Variants in FBXL13 observed in about 807,000 individuals in gnomAD.
FBXL13 encodes F-box and leucine-rich repeat protein 13.
In FBXL13, 67 loss-of-function variants were observed where a neutral mutation model predicts 83.6. The observed-to-expected ratio is 0.80, with a 90% CI of 0.66 to 0.98. The LOEUF (loss-of-function observed/expected upper bound fraction) is 0.98, where lower values mean the gene tolerates loss of function less well. FBXL13 is among the 50% of genes least tolerant of loss of function. The probability of loss-of-function intolerance (pLI) is 0.00; values close to 1 mark genes in which losing one functional copy is unlikely to be tolerated. For synonymous variants in FBXL13, 272 were observed against 299.5 expected (o/e 0.91, Z 0.95); for missense variants, 822 against 866.5 (o/e 0.95, Z 0.64).
At position 103,041,233 on chromosome 7, in the gene FBXL13, G is replaced by T. The variant is rs544970199; in HGVS notation, c.1-11815C>A. On this transcript the variant is annotated intron_variant, in intron 2 of 19. Transcript: ENST00000313221. ...ATAAACTAGAAAATCTAGAAGAAAT[G>T]GACAAATTCCTGGACACATACACCC... 9.6e-4 allele frequency among the ~76,000 whole-genome samples: 146 copies of T among 152,246 alleles called. 2 individuals are homozygous for T. Among genetic ancestry groups the T allele is most frequent in the African/African-American group, 3.3e-3 (137 of 41,554 alleles).
intron 5 of FBXL13, among the ~76,000 whole-genome samples, chr7:103,027,084 A>G (rs931596789): frequency 6.6e-6 from 1 of 152,178 alleles, no homozygotes; most frequent in African/African-American, 2.4e-5. Flanking sequence ...ACCTGAGGTC[A>G]CGAGTTCAAG....
At chr7:102,990,379 T>C (rs1829437787) in intron 6 of FBXL13, among the ~76,000 whole-genome samples, 1 of 152,138 alleles carries the variant, frequency 6.6e-6, no homozygotes, top group African/African-American at 2.4e-5. Context: ...CAAGAAGGGA[T>C]CATAGGCAAT....
intron 17 of FBXL13, among the ~76,000 whole-genome samples, chr7:102,844,163 A>T (rs1803520671): frequency 3.3e-5 from 5 of 152,260 alleles, no homozygotes; most frequent in Admixed American, 2.6e-4. Context: ...TTTAAAAAGC[A>T]GATGAACTGT....
At chr7:102,943,270 T>C (rs1476849497) in intron 8 of FBXL13, among the ~76,000 whole-genome samples, 3 of 152,078 alleles carry the variant, frequency 2.0e-5, no homozygotes, top group African/African-American at 7.2e-5. Flanking sequence ...GCACTTGTCT[T>C]ACATGCGAAA....
At chr7:102,812,849 T>A (rs1797513934), downstream of FBXL13, among the ~76,000 whole-genome samples, 1 of 148,970 alleles carries the variant, frequency 6.7e-6, no homozygotes, top group Non-Finnish European at 1.5e-5. Context: ...TCTTTTTTTT[T>A]TTTTTTTTTT....
chr7:102,812,070 G>A (rs1405967651), downstream of FBXL13, among the ~76,000 whole-genome samples: 1 of 152,176 alleles, frequency 6.6e-6, no homozygotes, highest in Non-Finnish European at 1.5e-5. Context: ...AACTCCACGT[G>A]AGAGATAAGT....
chr7:103,025,256 C>A, intron 5 of FBXL13, 26 bp from the exon 7 acceptor site: 1 of 1,480,342 alleles, frequency 6.8e-7, no homozygotes, highest in South Asian at 1.2e-5. Context: ...TTTTAAAATT[C>A]CATGGAATTG....
chr7:102,942,343 G>GT (rs1218924293), intron 8 of FBXL13: 2 of 1,581,770 alleles, frequency 1.3e-6, no homozygotes, highest in Admixed American at 1.8e-5. Context: ...TTTTGCTGTG[G>GT]TAAGTATACA....
intron 9 of FBXL13, among the ~76,000 whole-genome samples, chr7:102,929,195 A>G (rs1414985877): frequency 6.6e-6 from 1 of 152,214 alleles, no homozygotes. Context: ...CATGTTTTGA[A>G]AAGATGTTTT....
intron 6 of FBXL13, among the ~76,000 whole-genome samples, chr7:103,012,639 A>G (rs1345326717): frequency 6.6e-6 from 1 of 152,242 alleles, no homozygotes; most frequent in African/African-American, 2.4e-5. Context: ...CATGCCTTAC[A>G]AGAGGTCCTG....
At chr7:102,874,212 G>T in intron 16 of FBXL13, 1 of 282,474 alleles carries the variant, frequency 3.5e-6, no homozygotes, top group Non-Finnish European at 5.3e-6. Context: ...AATCCTGAAT[G>T]TTACGTCTGT....
chr7:102,858,174 T>C (rs1806301782), intron 16 of FBXL13, among the ~76,000 whole-genome samples: 1 of 152,158 alleles, frequency 6.6e-6, no homozygotes, highest in African/African-American at 2.4e-5. Flanking sequence ...CTGGAGGACA[T>C]GATGTTAAGC....
intron 3 of FBXL13, 55 bp downstream of exon 4, chr7:103,029,296 G>T: frequency 9.0e-7 from 1 of 1,107,960 alleles, no homozygotes; most frequent in Non-Finnish European, 1.3e-6. Context: ...TTTGCACGGA[G>T]AATATCAAGA....
intron 7 of FBXL13, among the ~76,000 whole-genome samples, chr7:102,967,261 CCT>C: frequency 1.3e-5 from 1 of 75,728 alleles, no homozygotes; most frequent in East Asian, 2.5e-4. Context: ...CCCAGCCAAT[CCT>C]CTCTTTCTTT....
chr7:102,949,700 A>C (rs1490423651), intron 8 of FBXL13, among the ~76,000 whole-genome samples: 2 of 152,250 alleles, frequency 1.3e-5, no homozygotes, highest in East Asian at 3.8e-4. Flanking sequence ...ATACTGCGTG[A>C]AATATATTTT....
chr7:102,921,484 A>G (rs1473208604), intron 10 of FBXL13, among the ~76,000 whole-genome samples: 1 of 151,986 alleles, frequency 6.6e-6, no homozygotes, highest in African/African-American at 2.4e-5. Flanking sequence ...GTTTGAGACC[A>G]GCCTGGCCAA....
At chr7:102,921,413 C>T (rs1185021706) in intron 10 of FBXL13, among the ~76,000 whole-genome samples, 1 of 152,140 alleles carries the variant, frequency 6.6e-6, no homozygotes, top group East Asian at 1.9e-4. Context: ...GGCACAGTGG[C>T]TCATGCCTGT....
At chr7:102,873,472 G>C (rs535528587) in intron 16 of FBXL13, among the ~76,000 whole-genome samples, 3 of 152,230 alleles carry the variant, frequency 2.0e-5, no homozygotes, top group South Asian at 2.1e-4. Flanking sequence ...TGCTGACTTT[G>C]CTACATGCTT....
At chr7:102,893,956 A>G (rs1192380150) in intron 11 of FBXL13, among the ~76,000 whole-genome samples, 2 of 94,100 alleles carry the variant, frequency 2.1e-5, no homozygotes, top group African/African-American at 1.1e-4. Flanking sequence ...GAAAGAAAGA[A>G]AGAAAGAGAG....
Sources: allele counts gnomAD v4.1 joint callset (sites outside exome capture counted in the v4.1 genomes callset), GRCh38; gene constraint gnomAD v4.1.1; transcripts MANE v1.5; gene names NCBI Gene and HGNC (gene_info 2026-07-23, HGNC 2026-07-21).